Variants in PTPN14 observed in about 807,000 individuals in gnomAD.
PTPN14 encodes the protein tyrosine-protein phosphatase non-receptor type 14.
Under a neutral mutation model 126.8 loss-of-function variants are expected in PTPN14, and 53 were observed. That is an observed-to-expected ratio of 0.42 (90% confidence interval 0.34 to 0.53). The LOEUF (loss-of-function observed/expected upper bound fraction) is 0.53. PTPN14 is among the 20% of genes least tolerant of loss of function. PTPN14 has a pLI of 0.08. For synonymous variants in PTPN14, 630 were observed against 599.3 expected (o/e 1.05, Z -0.75); for missense variants, 1,257 against 1,552.9 (o/e 0.81, Z 3.20).
chr1:214,452,234 G>C (rs1161885996), intron 2 of PTPN14, among the ~76,000 whole-genome samples: 4 of 152,212 alleles, frequency 2.6e-5, no homozygotes, highest in African/African-American at 4.8e-5. Flanking sequence ...GCCCATGTGA[G>C]GTAAGGGGAG....
rs116698000 is a variant in PTPN14, at chr1:214,548,259, G to C, written c.-155+2924C>G. Reference sequence around the variant, plus strand: ...TCAAACTCCCAAACCTGGACCGCCTGCTCCAGCACACTGACAGCCAGGAAA... The same window carrying C: ...TCAAACTCCCAAACCTGGACCGCCTCCTCCAGCACACTGACAGCCAGGAAA... On this transcript the variant is annotated intron_variant, in intron 1 of 18. Coordinates refer to ENST00000366956, the MANE Select transcript of PTPN14 (RefSeq NM_005401.5). Among the ~76,000 whole-genome samples, 1,255 of 152,268 alleles carry C rather than the reference G, an allele frequency of 8.2e-3. 16 individuals carry two copies. Among genetic ancestry groups the C allele is most frequent in the African/African-American group, 0.027 (1,142 of 41,540 alleles).
chr1:214,395,898 G>A (rs1050356809), intron 8 of PTPN14, among the ~76,000 whole-genome samples: 3 of 151,916 alleles, frequency 2.0e-5, no homozygotes, highest in African/African-American at 7.3e-5. Flanking sequence ...ACCTTCTCTA[G>A]GAATCCCTTC....
intron 13 of PTPN14, among the ~76,000 whole-genome samples, chr1:214,378,848 G>A (rs750365365): frequency 3.2e-4 from 48 of 150,988 alleles, no homozygotes; most frequent in Non-Finnish European, 5.9e-5. Flanking sequence ...GCATGCCACT[G>A]AGCTATGGGG....
intron 13 of PTPN14, among the ~76,000 whole-genome samples, chr1:214,380,820 T>TA (rs1002817787): frequency 6.6e-6 from 1 of 152,054 alleles, no homozygotes; most frequent in Non-Finnish European, 1.5e-5. Context: ...GTTTTTGCAT[T>TA]AAAAACAAAA....
chr1:214,369,442 A>G lies in PTPN14; in HGVS notation c.3271+15T>C, dbSNP rs1276465420. 6.2e-7 allele frequency: 1 copy of G among 1,607,164 alleles called. No homozygotes were observed. Among genetic ancestry groups the G allele is most frequent in the South Asian group, 1.1e-5 (1 of 90,988 alleles). On this transcript the variant is annotated intron_variant, in intron 17 of 18. Transcript: ENST00000366956. ...AAAGTCAGTCAGGTAGCAGACTGGG[A>G]AGAAAAACACTTACATAAAAATCCT...
chr1:214,485,786 C>T (rs543956412), intron 1 of PTPN14, among the ~76,000 whole-genome samples: 32 of 151,754 alleles, frequency 2.1e-4, no homozygotes, highest in Admixed American at 1.3e-3. Context: ...AGTGCAGTGG[C>T]GCGATCTCAG....
At chr1:214,485,004 T>C (rs756770044) in intron 1 of PTPN14, among the ~76,000 whole-genome samples, 1 of 152,154 alleles carries the variant, frequency 6.6e-6, no homozygotes, top group Non-Finnish European at 1.5e-5. Context: ...AACAAAAATG[T>C]GTTCAACAAA....
Position 214,518,610 on chromosome 1 carries a change from T to C in PTPN14, c.-155+32573A>G, listed in dbSNP as rs543468801. Among the ~76,000 whole-genome samples, 5 of 152,320 alleles carry C rather than the reference T, an allele frequency of 3.3e-5. No individual in the cohort carries two copies. In the East Asian group the frequency reaches 9.6e-4, roughly 29 times the overall value. On this transcript the variant is annotated intron_variant, in intron 1 of 18. Coordinates refer to ENST00000366956, the MANE Select transcript of PTPN14 (RefSeq NM_005401.5). ...TCAAAAATGAACTTCCTCTGGGTTC[T>C]CTTGAGCCCAAGGACTGAAACCATT...
rs1167533342 is a variant in PTPN14, at chr1:214,351,758, A to G, written c.*6164T>C. 1 of 152,110 alleles carries G rather than the reference A, an allele frequency of 6.6e-6. No individual in the cohort carries two copies. The highest frequency in any genetic ancestry group is 1.9e-4 in the East Asian group (1 of 5,190). The allele number at this position is 152,110 out of a possible 1,614,324, so 9.4% of individuals were successfully genotyped here. A position where few individuals can be genotyped will look rare whatever the true frequency, so the allele number is the denominator to read the frequency against. Reference sequence around the variant, plus strand: ...AAAACTATGAGCTAGGGTGAAATAGACTCCAACACTGCTGCAGGCTTTCCC... The same window carrying G: ...AAAACTATGAGCTAGGGTGAAATAGGCTCCAACACTGCTGCAGGCTTTCCC... On this transcript the variant is annotated 3_prime_UTR_variant, in exon 19 of 19. Transcript: ENST00000366956.
At chr1:214,468,322 A>G (rs1359605323) in intron 1 of PTPN14, among the ~76,000 whole-genome samples, 3 of 152,146 alleles carry the variant, frequency 2.0e-5, no homozygotes. Context: ...TTGGGAGGCC[A>G]AGGCCAGTGG....
At chr1:214,405,507 CAT>C (rs1475023750) in intron 5 of PTPN14, among the ~76,000 whole-genome samples, 1 of 151,568 alleles carries the variant, frequency 6.6e-6, no homozygotes, top group Non-Finnish European at 1.5e-5. Flanking sequence ...CACTATGCGA[CAT>C]GTAAATTTCA....
rs181108753 is a variant in PTPN14, at chr1:214,526,245, C to T, written c.-155+24938G>A. ...CCTCCCAAAGTGCTGGGATTACAGG[C>T]GTGAGCCACCACGCCCGGCCAAGCT... On this transcript the variant is annotated intron_variant, in intron 1 of 18. Transcript: ENST00000366956. Among the ~76,000 whole-genome samples, 72 of 152,260 alleles carry T rather than the reference C, an allele frequency of 4.7e-4. No individual in the cohort carries two copies. The East Asian group carries it at 0.013, about 27-fold the overall frequency.
At chr1:214,393,607 A>C in intron 10 of PTPN14, 88 bp downstream of exon 10, 1 of 1,056,000 alleles carries the variant, frequency 9.5e-7, no homozygotes, top group South Asian at 1.4e-5. Flanking sequence ...AAAAGAGTGA[A>C]TAGGAAAAGA....
At chr1:214,369,899 T>C (rs1658175183) in intron 16 of PTPN14, among the ~76,000 whole-genome samples, 1 of 152,070 alleles carries the variant, frequency 6.6e-6, no homozygotes, top group Non-Finnish European at 1.5e-5. Flanking sequence ...CAATGGAAAA[T>C]TTAAAAGATT....
Position 214,373,699 on chromosome 1 carries a change from T to TA in PTPN14, c.2908-861dup, listed in dbSNP as rs11299837. 1.6e-4 allele frequency among the ~76,000 whole-genome samples: 23 copies of TA among 143,222 alleles called. No individual in the cohort carries two copies. The South Asian group carries it at 2.3e-3, about 14-fold the overall frequency. The allele number at this position is 143,222 out of a possible 152,430, so 94.0% of individuals were successfully genotyped here. A position where few individuals can be genotyped will look rare whatever the true frequency, so the allele number is the denominator to read the frequency against. ...TGCTTCATGGCATCCAATTAAACAA[T>TA]AAAAAAAAAAAAAAAGATCATGAAA... On this transcript the variant is annotated intron_variant, in intron 15 of 18. Transcript: ENST00000366956.
chr1:214,390,850 C>A (rs769445438), intron 11 of PTPN14, 138 bp downstream of exon 11: 18 of 631,368 alleles, frequency 2.9e-5, no homozygotes, highest in African/African-American at 3.8e-5. Context: ...TCCATCGCAT[C>A]TGCTTGACAG....
At chr1:214,397,642 G>C (rs1658917336) in intron 8 of PTPN14, among the ~76,000 whole-genome samples, 1 of 152,236 alleles carries the variant, frequency 6.6e-6, no homozygotes, top group African/African-American at 2.4e-5. Context: ...TGGAGAGCCA[G>C]TTTTCAACCA....
At chr1:214,423,090 C>T (rs1328520560) in intron 3 of PTPN14, among the ~76,000 whole-genome samples, 1 of 151,424 alleles carries the variant, frequency 6.6e-6, no homozygotes, top group Non-Finnish European at 1.5e-5. Flanking sequence ...CCCAGACCAG[C>T]CTGGGCAACA....
Position 214,362,469 on chromosome 1 carries a change from G to C in PTPN14, c.3435+2043C>G, listed in dbSNP as rs1171725133. Among the ~76,000 whole-genome samples, 14 of 152,230 alleles carry C rather than the reference G, an allele frequency of 9.2e-5. 1 individual carries two copies. Among genetic ancestry groups the C allele is most frequent in the Admixed American group, 9.2e-4 (14 of 15,282 alleles). On this transcript the variant is annotated intron_variant, in intron 18 of 18. Transcript: ENST00000366956. ...TTTAACCACCCTGAGCCTTCACCAAGTCCACAGGAGGCCACACTGGCCGAA... is the reference window on the plus strand; with the variant it reads ...TTTAACCACCCTGAGCCTTCACCAACTCCACAGGAGGCCACACTGGCCGAA...
Sources: allele counts gnomAD v4.1 joint callset (sites outside exome capture counted in the v4.1 genomes callset), GRCh38; gene constraint gnomAD v4.1.1; transcripts MANE v1.5; gene names NCBI Gene and HGNC (gene_info 2026-07-23, HGNC 2026-07-21).